Variants in WWOX observed in about 807,000 individuals in gnomAD.
WWOX encodes the protein WW domain-containing oxidoreductase.
In WWOX, 69 loss-of-function variants were observed where a neutral mutation model predicts 46.2. That is an observed-to-expected ratio of 1.49 (90% confidence interval 1.23 to 1.82). The LOEUF is 1.82. Among genes scored for constraint, WWOX ranks in the 40% most tolerant of loss-of-function variants. WWOX has a pLI of 0.00. For synonymous variants in WWOX, 359 were observed against 202.6 expected (o/e 1.77, Z -6.56); for missense variants, 919 against 542.6 (o/e 1.69, Z -6.89).
chr16:78,406,320 AT>A (rs1312160755), intron 6 of WWOX, among the ~76,000 whole-genome samples: 1 of 74,824 alleles, frequency 1.3e-5, no homozygotes. Context: ...ATATATATAT[AT>A]ATATATATAT....
intron 5 of WWOX, among the ~76,000 whole-genome samples, chr16:78,316,125 G>GT (rs2080351931): frequency 6.6e-6 from 1 of 151,962 alleles, no homozygotes; most frequent in African/African-American, 2.4e-5. Flanking sequence ...TGCACCTGTG[G>GT]TCCCAGCTAC....
intron 8 of WWOX, among the ~76,000 whole-genome samples, chr16:78,919,813 C>G (rs1039630598): frequency 1.3e-5 from 2 of 152,172 alleles, no homozygotes; most frequent in Admixed American, 1.3e-4. Context: ...CTGCACCTGA[C>G]TAAGTGGCTT....
intron 8 of WWOX, among the ~76,000 whole-genome samples, chr16:79,062,469 C>A (rs563936047): frequency 6.6e-6 from 1 of 152,052 alleles, no homozygotes; most frequent in Admixed American, 6.6e-5. Flanking sequence ...CGGTGCCGTG[C>A]GGTGTAAATC....
chr16:79,150,625 G>C (rs1026644682), intron 8 of WWOX, among the ~76,000 whole-genome samples: 11 of 152,150 alleles, frequency 7.2e-5, no homozygotes, highest in African/African-American at 2.4e-4. Flanking sequence ...GGAGAGATTA[G>C]ATTAGAAATT....
At chr16:78,877,166 G>A (rs570804285) in intron 8 of WWOX, among the ~76,000 whole-genome samples, 5 of 152,152 alleles carry the variant, frequency 3.3e-5, no homozygotes, top group African/African-American at 4.8e-5. Context: ...GGAAGGAAAC[G>A]AGAAAAGTTA....
chr16:78,445,984 T>G (rs2083551875), intron 8 of WWOX, among the ~76,000 whole-genome samples: 1 of 152,204 alleles, frequency 6.6e-6, no homozygotes, highest in African/African-American at 2.4e-5. Context: ...CTGTGGAATT[T>G]GGCTGAAATA....
chr16:78,553,524 G>A (rs915424013), intron 8 of WWOX, among the ~76,000 whole-genome samples: 1 of 152,096 alleles, frequency 6.6e-6, no homozygotes, highest in African/African-American at 2.4e-5. Context: ...CATTTGAACT[G>A]TGGTTACCAG....
chr16:79,010,377 A>T (rs567623560), intron 8 of WWOX, among the ~76,000 whole-genome samples: 1 of 152,238 alleles, frequency 6.6e-6, no homozygotes, highest in South Asian at 2.1e-4. Flanking sequence ...TCAGAGACAG[A>T]TCTGGAACCC....
At chr16:78,688,880 GAGTT>G (rs2047923024) in intron 8 of WWOX, among the ~76,000 whole-genome samples, 1 of 152,278 alleles carries the variant, frequency 6.6e-6, no homozygotes, top group Non-Finnish European at 1.5e-5. Context: ...GGTAGGGAGT[GAGTT>G]CTCACAAGAT....
intron 8 of WWOX, among the ~76,000 whole-genome samples, chr16:78,930,584 C>A (rs959549973): frequency 3.3e-5 from 5 of 149,346 alleles, no homozygotes; most frequent in Admixed American, 6.7e-5. Flanking sequence ...GGCTGCTGCA[C>A]CAGGCAAGGA....
At chr16:78,448,627 C>G (rs145846974) in intron 8 of WWOX, among the ~76,000 whole-genome samples, 51 of 152,284 alleles carry the variant, frequency 3.3e-4, no homozygotes, top group African/African-American at 1.2e-3. Context: ...GCATGGCTCA[C>G]AAATTCACAA....
chr16:78,653,938 C>T (rs2047022959), intron 8 of WWOX, among the ~76,000 whole-genome samples: 1 of 152,228 alleles, frequency 6.6e-6, no homozygotes, highest in East Asian at 1.9e-4. Context: ...AACGTCTTCA[C>T]ATTTCACACT....
intron 8 of WWOX, among the ~76,000 whole-genome samples, chr16:78,595,153 G>C (rs765116788): frequency 5.9e-5 from 9 of 152,326 alleles, no homozygotes; most frequent in Middle Eastern, 3.4e-3. Context: ...CAACCTCTGA[G>C]GATGGGTAGA....
intron 8 of WWOX, among the ~76,000 whole-genome samples, chr16:78,777,131 G>T (rs1370720845): frequency 1.3e-5 from 2 of 152,120 alleles, no homozygotes; most frequent in Non-Finnish European, 2.9e-5. Context: ...CAGAATCATT[G>T]TTTCTTGGTT....
chr16:78,312,381 CTTT>C (rs561304972), intron 5 of WWOX, among the ~76,000 whole-genome samples: 1 of 132,852 alleles, frequency 7.5e-6, no homozygotes, highest in Non-Finnish European at 1.6e-5. Context: ...AGGTCTAATT[CTTT>C]TTTTTTTTTT....
chr16:78,497,313 C>T (rs1304362870), intron 8 of WWOX, among the ~76,000 whole-genome samples: 2 of 152,174 alleles, frequency 1.3e-5, no homozygotes, highest in Non-Finnish European at 2.9e-5. Flanking sequence ...ATAGAAAAAT[C>T]AACTCAAAGT....
chr16:78,792,336 C>A (rs575599539), intron 8 of WWOX, among the ~76,000 whole-genome samples: 1 of 152,206 alleles, frequency 6.6e-6, no homozygotes, highest in South Asian at 2.1e-4. Context: ...CCTCTACTTC[C>A]CACATGTATC....
intron 8 of WWOX, among the ~76,000 whole-genome samples, chr16:79,068,657 A>G (rs1479385917): frequency 6.6e-6 from 1 of 151,676 alleles, no homozygotes. Context: ...CAACAAAAAA[A>G]AAAATTAGCC....
rs374721687 is a variant in WWOX at position 78,234,954 on chromosome 16, T to G, written c.516+70665T>G. ...GAGGGATTAAGGATATAAACCCAAC[T>G]TCAAATTTCTTTCTGGGTGGTCTTG... On this transcript the variant is annotated intron_variant, in intron 5 of 8. Transcript: ENST00000566780. Among the ~76,000 whole-genome samples the G allele has an allele frequency of 1.0e-3, 156 of 152,106 alleles. 1 individual carries two copies. The highest frequency in any genetic ancestry group is 3.5e-3 in the African/African-American group (146 of 41,514).
Sources: gnomAD v4.1 joint callset for allele counts (sites outside exome capture counted in the v4.1 genomes callset) on GRCh38, gnomAD v4.1.1 for gene constraint, MANE v1.5 for transcripts, NCBI Gene and HGNC (gene_info 2026-07-23, HGNC 2026-07-21) for gene names.